Variants in MAGEL2 observed in about 807,000 individuals in gnomAD.
MAGEL2 encodes the protein MAGE family member L2.
For missense variants in MAGEL2, 1,830 were observed against 1,699.2 expected (o/e 1.08, Z -1.35); for synonymous variants, 792 against 721.7 (o/e 1.10, Z -1.56).
In MAGEL2 at chr15:23,646,013, G is replaced by C. The variant is rs1280633170; in HGVS notation, c.1730C>G (p.Pro577Arg). The C allele has an allele frequency of 6.5e-7, 1 of 1,549,876 alleles. No homozygotes were observed. Among genetic ancestry groups the C allele is most frequent in the Non-Finnish European group, 8.7e-7 (1 of 1,147,080 alleles). ...GATGGAAGGGCAGTGCACAGCCTGC[G>C]GGGCAGACAGTGGGGCAGACAGCGG... ...PAPLSAPLSA[P>R]QAVHCPSIIW... The change falls in exon 1 of 1, where the codon CCG becomes CGG. Residue 577 changes from proline (P) to arginine (R), a missense_variant. By Grantham distance (103) the Pro-to-Arg change is moderately radical. Transcript: ENST00000650528. This position sits in a 1 kb window ranked among gnomAD's most constrained non-coding sequence, Gnocchi z 4.2.
At position 23,644,481 on chromosome 15, in the gene MAGEL2, T is replaced by C. The variant is rs760858337; in HGVS notation, c.3262A>G (p.Ile1088Val). 1 of 1,613,918 alleles carries C rather than the reference T, an allele frequency of 6.2e-7. No individual in the cohort carries two copies. The highest frequency in any genetic ancestry group is 8.5e-7 in the Non-Finnish European group (1 of 1,179,886). The change falls in exon 1 of 1, where the codon ATT (isoleucine) becomes GTT (valine). Residue 1088 changes from isoleucine (I) to valine (V), a missense_variant. Transcript: ENST00000650528. Reference protein sequence around the residue: ...KEIDTKNHAYIIINKLGYHTG... With the variant: ...KEIDTKNHAYVIINKLGYHTG... ...TGGTAGCCCAGCTTGTTGATGATAA[T>C]ATAGGCGTGGTTTTTGGTATCAATT...
rs943342075 is a variant in MAGEL2 at position 23,646,123 on chromosome 15, C to T, written c.1620G>A (p.Pro540=). The part of the protein sequence containing the change: ...RLPAPQVQAA[P]QVPTAPPATQ... ...TAGCAGGTGGGGCCGTAGGCACCTG[C>T]GGCGCCGCCTGCACCTGCGGGGCCG... Residue 540 remains proline (P), a synonymous_variant, in exon 1 of 1, where the codon CCG becomes CCA. Transcript: ENST00000650528. This position sits in a 1 kb window ranked among gnomAD's most constrained non-coding sequence, Gnocchi z 4.2. 1.3e-4 allele frequency: 184 copies of T among 1,368,404 alleles called. No homozygotes were observed. Among genetic ancestry groups the T allele is most frequent in the Non-Finnish European group, 1.6e-4 (166 of 1,069,662 alleles). The allele number at this position is 1,368,404 out of a possible 1,614,324, so 84.8% of individuals were successfully genotyped here.
Position 23,645,855 on chromosome 15 carries a change from G to A in MAGEL2, c.1888C>T (p.Leu630=), listed in dbSNP as rs1048036896. 1.3e-6 allele frequency: 2 copies of A among 1,579,152 alleles called. No individual in the cohort carries two copies. The highest frequency in any genetic ancestry group is 1.3e-5 in the African/African-American group (1 of 74,236). The stretch of plus-strand genomic sequence containing the variant: ...TGCCTCTGGGCCTCCTGGGCAGGCA[G>A]GGGCTGCCAGATGTGAGTGGGGGCC... ...QKAPTHIWQP[L]PAQEAQRQAP... Residue 630 remains leucine, a synonymous_variant, in exon 1 of 1, where the codon CTG becomes TTG. Coordinates refer to ENST00000650528, the MANE Select transcript of MAGEL2 (RefSeq NM_019066.5).
chr15:23,645,802 C>T lies in MAGEL2; in HGVS notation c.1941G>A (p.Gln647=), dbSNP rs1291296098. The stretch of plus-strand genomic sequence containing the variant: ...GGGAGGGCGGGGCTCCCTGAAAGGG[C>T]TGCTCCAGCTGGACCAAGGGGGGAG... ...RQAPPLVQLE[Q]PFQGAPPSQK... is the part of the protein sequence containing the mutation. The change falls in exon 1 of 1, where the codon CAG becomes CAA. Residue 647 remains glutamine, a synonymous_variant. Coordinates refer to ENST00000650528, the MANE Select transcript of MAGEL2 (RefSeq NM_019066.5). 1.9e-6 allele frequency: 3 copies of T among 1,589,872 alleles called. No individual in the cohort carries two copies. The highest frequency in any genetic ancestry group is 2.3e-5 in the South Asian group (2 of 87,568).
chr15:23,645,032 G>A lies in MAGEL2; in HGVS notation c.2711C>T (p.Ala904Val), dbSNP rs1423009238. The change falls in exon 1 of 1, where the codon GCC (alanine) becomes GTC (valine). Residue 904 changes from alanine (A) to valine (V), a missense_variant. Coordinates refer to ENST00000650528, the MANE Select transcript of MAGEL2 (RefSeq NM_019066.5). ...CCTTGGGCCCTGCCAGTCATGAAAG[G>A]CTAGCGTGTGGCCACGGCTGTCCTC... ...AQEDSRGHTL[A>V]FHDWQGPRPW... 2 of 1,613,972 alleles carry A rather than the reference G, an allele frequency of 1.2e-6. No homozygotes were observed. The highest frequency in any genetic ancestry group is 3.3e-5 in the Admixed American group (2 of 60,034).
chr15:23,645,717 C>A lies in MAGEL2; in HGVS notation c.2026G>T (p.Glu676Ter). ...GGCTGGAGCGGCAGTGTGGGCACCTCCGCTTGCGGACCCGATGCCTGGGCC... is the reference window on the plus strand; with the variant it reads ...GGCTGGAGCGGCAGTGTGGGCACCTACGCTTGCGGACCCGATGCCTGGGCC... ...QQAQASGPQA[E>*]VPTLPLQPSW... The change falls in exon 1 of 1, where the codon GAG becomes TAG. Residue 676 changes from glutamate to a stop codon, truncating the protein, a stop_gained. Transcript: ENST00000650528. LOFTEE classifies it low-confidence loss of function (END_TRUNC). 6.4e-7 allele frequency: 1 copy of A among 1,561,922 alleles called. No individual in the cohort carries two copies. Among genetic ancestry groups the A allele is most frequent in the Admixed American group, 1.9e-5 (1 of 52,956 alleles).
Position 23,647,452 on chromosome 15 carries a change from GC to G in MAGEL2, c.290del (p.Gly97AlafsTer12), listed in dbSNP as rs1401986830. 3 of 1,534,988 alleles carry G rather than the reference GC, an allele frequency of 2.0e-6. No homozygotes were observed. The highest frequency in any genetic ancestry group is 2.6e-6 in the Non-Finnish European group (3 of 1,146,358). Reference protein sequence around the residue: ...GPIVPAPPLGGPMGKPPTPGV... With the variant: ...GPIVPAPPLGXPMGKPPTPGV... ...CGGGAGTCGGAGGCTTACCCATCGG[GC>G]CCCCCAGCGGGGGAGCCGGGACTAT... On this transcript the variant is annotated frameshift_variant, in exon 1 of 1. Transcript: ENST00000650528. LOFTEE classifies it low-confidence loss of function (END_TRUNC).
Position 23,646,450 on chromosome 15 carries a change from T to G in MAGEL2, c.1293A>C (p.Arg431=). The change falls in exon 1 of 1, where the codon CGA becomes CGC. Residue 431 remains arginine, a synonymous_variant. Transcript: ENST00000650528. This position sits in a 1 kb window ranked among gnomAD's most constrained non-coding sequence, Gnocchi z 4.2. The stretch of plus-strand genomic sequence containing the variant: ...CCTGGCGGATCAGCGGTGGGGCCTG[T>G]CGCACCGGTGGTGGGCCAGGGCGGA... ...PPIRPGPPPV[R]QAPPLIRQAP... is the part of the protein sequence containing the mutation. The G allele has an allele frequency of 3.5e-6, 5 of 1,417,042 alleles. No individual in the cohort carries two copies. Among genetic ancestry groups the G allele is most frequent in the Non-Finnish European group, 4.6e-6 (5 of 1,095,036 alleles). 87.8% of individuals were successfully genotyped at this position (1,417,042 alleles called of 1,614,324 possible).
Position 23,645,958 on chromosome 15 carries a change from C to G in MAGEL2, c.1785G>C (p.Pro595=), listed in dbSNP as rs935722414. ...TTGACGTTGGAATCTCGTGTGGCAC[C>G]GGGGGCTGACCTTTGGGGGCCTGCC... ...IIWQAPKGQP[P]VPHEIPTSME... Residue 595 remains proline (P), a synonymous_variant, in exon 1 of 1, where the codon CCG becomes CCC. Coordinates refer to ENST00000650528, the MANE Select transcript of MAGEL2 (RefSeq NM_019066.5). The G allele has an allele frequency of 1.3e-6, 2 of 1,565,012 alleles. No individual in the cohort carries two copies. The highest frequency in any genetic ancestry group is 2.3e-5 in the South Asian group (2 of 85,422).
rs1293384854 is a variant in MAGEL2 at position 23,646,449 on chromosome 15, G to C, written c.1294C>G (p.Gln432Glu). 4.2e-6 allele frequency: 6 copies of C among 1,426,228 alleles called. No individual in the cohort carries two copies. In the East Asian group the frequency reaches 1.3e-4, roughly 31 times the overall value. 88.3% of individuals were successfully genotyped at this position (1,426,228 alleles called of 1,614,324 possible). Residue 432 changes from glutamine to glutamate, a missense_variant, in exon 1 of 1, where the codon CAG (glutamine) becomes GAG (glutamate). By Grantham distance (29) the Gln-to-Glu change is conservative. Transcript: ENST00000650528. The surrounding 1 kb of genome is among the most constrained non-coding windows in gnomAD (Gnocchi z 4.2). ...GCCTGGCGGATCAGCGGTGGGGCCT[G>C]TCGCACCGGTGGTGGGCCAGGGCGG... is the stretch of plus-strand genomic sequence containing the variant. ...PIRPGPPPVR[Q>E]APPLIRQAPP... is the part of the protein sequence containing the mutation.
chr15:23,645,579 T>A lies in MAGEL2; in HGVS notation c.2164A>T (p.Arg722Trp). 4 of 1,608,412 alleles carry A rather than the reference T, an allele frequency of 2.5e-6. No homozygotes were observed. Among genetic ancestry groups the A allele is most frequent in the Non-Finnish European group, 3.4e-6 (4 of 1,177,542 alleles). Residue 722 changes from arginine to tryptophan, a missense_variant, in exon 1 of 1, where the codon AGG (arginine) becomes TGG (tryptophan). By Grantham distance (101) the Arg-to-Trp change is moderately radical. Coordinates refer to ENST00000650528, the MANE Select transcript of MAGEL2 (RefSeq NM_019066.5). Reference protein sequence around the residue: ...KSLMTPSGECRASSIDRRGSS... With the variant: ...KSLMTPSGECWASSIDRRGSS... The stretch of plus-strand genomic sequence containing the variant: ...CCCCTGCGGTCTATAGAAGAGGCCC[T>A]GCATTCTCCTGATGGAGTCATCAAT...
chr15:23,647,116 C>T lies in MAGEL2; in HGVS notation c.627G>A (p.Met209Ile). 6.5e-7 allele frequency: 1 copy of T among 1,530,422 alleles called. No individual in the cohort carries two copies. The highest frequency in any genetic ancestry group is 8.7e-7 in the Non-Finnish European group (1 of 1,143,854). The allele number at this position is 1,530,422 out of a possible 1,614,324, so 94.8% of individuals were successfully genotyped here. A position where few individuals can be genotyped will look rare whatever the true frequency, so the allele number is the denominator to read the frequency against. The change falls in exon 1 of 1, where the codon ATG becomes ATA. Residue 209 changes from methionine (M) to isoleucine (I), a missense_variant. By Grantham distance (10) the Met-to-Ile change is conservative. Coordinates refer to ENST00000650528, the MANE Select transcript of MAGEL2 (RefSeq NM_019066.5). ...GTGTCCCCGGAGGTGGAGGATGAGC[C>T]ATCGGTGTCCCCGGAGGGGGAGGAT... The part of the protein sequence containing the change: ...MAHPPPPGTP[M>I]AHPPPPGTPM...
rs368034669 is a variant in MAGEL2 at position 23,645,101 on chromosome 15, C to T, written c.2642G>A (p.Arg881His). Residue 881 changes from arginine to histidine, a missense_variant, in exon 1 of 1, where the codon CGC (arginine) becomes CAC (histidine). By Grantham distance (29) the Arg-to-His change is conservative. Coordinates refer to ENST00000650528, the MANE Select transcript of MAGEL2 (RefSeq NM_019066.5). ...CTTCTTCCGGGTGGCCTTGCCGGAG[C>T]GGCGTGGCGGCTCGACGGAGGTCTT... ...ASKTSVEPPR[R>H]SGKATRKKKH... The T allele has an allele frequency of 4.7e-5, 76 of 1,613,732 alleles. No individual in the cohort carries two copies. The highest frequency in any genetic ancestry group is 1.6e-4 in the Middle Eastern group (1 of 6,084).
In MAGEL2 at chr15:23,647,006, C is replaced by G. The variant is rs1890424135; in HGVS notation, c.737G>C (p.Gly246Ala). The stretch of plus-strand genomic sequence containing the variant: ...AGCAGCAGGCTGGACCATCAGGACT[C>G]CCGGAGTCAGAGGCTGGGCCATCAG... ...GVLMAQPLTPGVLMVQPAAPG... is the reference protein window; with the variant it reads ...GVLMAQPLTPAVLMVQPAAPG... Residue 246 changes from glycine to alanine, a missense_variant, in exon 1 of 1, where the codon GGA (glycine) becomes GCA (alanine). Physicochemically the swap from Gly to Ala is moderately conservative, Grantham distance 60. Coordinates refer to ENST00000650528, the MANE Select transcript of MAGEL2 (RefSeq NM_019066.5). 2.0e-6 allele frequency: 3 copies of G among 1,536,656 alleles called. No homozygotes were observed. Among genetic ancestry groups the G allele is most frequent in the Non-Finnish European group, 8.7e-7 (1 of 1,146,778 alleles).
chr15:23,644,677 C>T lies in MAGEL2; in HGVS notation c.3066G>A (p.Glu1022=), dbSNP rs757665824. The T allele has an allele frequency of 8.7e-6, 14 of 1,613,772 alleles. No homozygotes were observed. In the East Asian group the frequency reaches 3.1e-4, roughly 36 times the overall value. Residue 1022 remains glutamate (E), a synonymous_variant, in exon 1 of 1, where the codon GAG becomes GAA. Transcript: ENST00000650528. ...GGAACTGCACCAACGCATTTGCCCT[C>T]TCATCCAAGGGAGACAAGGGCTGTG... ...VEAQPLSPLD[E]RANALVQFLL... is the part of the protein sequence containing the mutation.
chr15:23,643,955 G>A lies in MAGEL2; in HGVS notation c.*38C>T. On this transcript the variant is annotated 3_prime_UTR_variant, in exon 1 of 1. Coordinates refer to ENST00000650528, the MANE Select transcript of MAGEL2 (RefSeq NM_019066.5). ...CCCCCCACCCTGTCAGTGGCCTCTG[G>A]CCAGGGAAACACAGGAGCGAGATCT... 1.3e-6 allele frequency: 2 copies of A among 1,511,120 alleles called. No individual in the cohort carries two copies. The highest frequency in any genetic ancestry group is 1.8e-6 in the Non-Finnish European group (2 of 1,129,808). The allele number at this position is 1,511,120 out of a possible 1,614,324, so 93.6% of individuals were successfully genotyped here.
At position 23,643,839 on chromosome 15, in the gene MAGEL2, A is replaced by T; in HGVS notation, c.*154T>A. On this transcript the variant is annotated 3_prime_UTR_variant, in exon 1 of 1. Coordinates refer to ENST00000650528, the MANE Select transcript of MAGEL2 (RefSeq NM_019066.5). ...CGATTGAAATCAACACCACATAAAAAATGTACAAAGCTTTGGCAGATACGA... is the reference window on the plus strand; with the variant it reads ...CGATTGAAATCAACACCACATAAAATATGTACAAAGCTTTGGCAGATACGA... The T allele has an allele frequency of 1.3e-6, 1 of 786,670 alleles. No individual in the cohort carries two copies. Among genetic ancestry groups the T allele is most frequent in the African/African-American group, 1.7e-5 (1 of 57,686 alleles). The allele number at this position is 786,670 out of a possible 1,614,324, so 48.7% of individuals were successfully genotyped here. A position where few individuals can be genotyped will look rare whatever the true frequency, so the allele number is the denominator to read the frequency against.
At position 23,643,997 on chromosome 15, in the gene MAGEL2, C is replaced by T. The variant is rs745776063; in HGVS notation, c.3746G>A (p.Arg1249His). 38 of 1,590,076 alleles carry T rather than the reference C, an allele frequency of 2.4e-5. No individual in the cohort carries two copies. Among genetic ancestry groups the T allele is most frequent in the Admixed American group, 1.4e-4 (8 of 58,110 alleles). ...GCGAGATCTCTGCTACACCTATTAG[C>T]GGGGAGGGGGCCTGCTGGTGGGGCC... Reference protein sequence around the residue: ...AHGPTSRPPPR With the variant: ...AHGPTSRPPPH Residue 1249 changes from arginine (R) to histidine (H), a missense_variant, in exon 1 of 1, where the codon CGC becomes CAC. Coordinates refer to ENST00000650528, the MANE Select transcript of MAGEL2 (RefSeq NM_019066.5).
At position 23,645,938 on chromosome 15, in the gene MAGEL2, G is replaced by A. The variant is rs761204158; in HGVS notation, c.1805C>T (p.Thr602Met). Residue 602 changes from threonine to methionine, a missense_variant, in exon 1 of 1, where the codon ACG (threonine) becomes ATG (methionine). Transcript: ENST00000650528. ...GQPPVPHEIP[T>M]SMEFQEVQQT... ...CTGCACCTCCTGGAATTCCATTGAC[G>A]TTGGAATCTCGTGTGGCACCGGGGG... 17 of 1,570,142 alleles carry A rather than the reference G, an allele frequency of 1.1e-5. No individual in the cohort carries two copies. In the African/African-American group the frequency reaches 2.0e-4, roughly 19 times the overall value.
Sources: gnomAD v4.1 joint callset for allele counts on GRCh38, gnomAD v4.1.1 for gene constraint, Gnocchi (gnomAD v3.1) non-coding constraint, MANE v1.5 for transcripts, NCBI Gene and HGNC (gene_info 2026-07-23, HGNC 2026-07-21) for gene names.